The following NF1 variants were observed in gnomAD, a reference collection of about 807,000 sequenced individuals.
NF1 encodes the protein neurofibromin 1, also known as neurofibromin.
A neutral mutation model predicts 325.7 loss-of-function variants in NF1; 122 were observed. That is an observed-to-expected ratio of 0.37 (90% CI 0.32 to 0.44). The LOEUF is 0.44. NF1 is among the 20% of genes least tolerant of loss of function. The probability of loss-of-function intolerance (pLI) is 1.00; values close to 1 mark genes in which losing one functional copy is unlikely to be tolerated. For missense variants in NF1, 2,140 were observed against 3,415.4 expected (o/e 0.63, Z 9.31); for synonymous variants, 1,091 against 1,186.0 (o/e 0.92, Z 1.65).
chr17:31,344,804 G>A (rs1330456529), intron 48 of NF1, among the ~76,000 whole-genome samples: 4 of 152,218 alleles, frequency 2.6e-5, no homozygotes, highest in African/African-American at 7.2e-5. Flanking sequence ...TGGGTGCAGC[G>A]GCTCATGCCT....
intron 4 of NF1, among the ~76,000 whole-genome samples, chr17:31,169,343 A>G (rs1007292825): frequency 2.2e-4 from 33 of 152,192 alleles, no homozygotes; most frequent in African/African-American, 7.7e-4. Flanking sequence ...AGACACCTCA[A>G]TCTTAAGGAT....
intron 1 of NF1, among the ~76,000 whole-genome samples, chr17:31,138,688 G>A (rs1915976470): frequency 6.6e-6 from 1 of 151,310 alleles, no homozygotes; most frequent in Non-Finnish European, 1.5e-5. Context: ...CCGCCTCCCA[G>A]GTTCACGCAA....
At chr17:31,307,888 T>A (rs539049472) in intron 36 of NF1, 1 of 1,289,040 alleles carries the variant, frequency 7.8e-7, no homozygotes, top group Non-Finnish European at 1.0e-6. Context: ...ACAAATTACC[T>A]TTTCAGCATA....
chr17:31,098,918 C>G (rs1033806274), intron 1 of NF1, among the ~76,000 whole-genome samples: 1 of 123,816 alleles, frequency 8.1e-6, no homozygotes, highest in Non-Finnish European at 1.6e-5. Flanking sequence ...GGTGACAGAG[C>G]GAGACTCCAT....
chr17:31,182,195 G>A (rs2066150569), intron 7 of NF1, among the ~76,000 whole-genome samples: 1 of 152,166 alleles, frequency 6.6e-6, no homozygotes, highest in African/African-American at 2.4e-5. Flanking sequence ...TTCTTTTTGG[G>A]AAGCTGTTCA....
Position 31,200,442 on chromosome 17 carries a change from A to G in NF1, c.909A>G (p.Leu303=), listed in dbSNP as rs876659803. ...TGTAGAAGTTATTTCTGGACAGTCT[A>G]CGAAAAGCTCTTGCTGGCCATGGAG... ...NMNKKLFLDS[L]RKALAGHGGS... The change falls in exon 9 of 58, where the codon CTA becomes CTG. Residue 303 remains leucine, a synonymous_variant. Coordinates refer to ENST00000358273, the MANE Select transcript of NF1 (RefSeq NM_001042492.3). 5 of 1,614,112 alleles carry G rather than the reference A, an allele frequency of 3.1e-6. No homozygotes were observed. The South Asian group carries it at 5.5e-5, about 18-fold the overall frequency.
chr17:31,246,566 C>T (rs2067394498), intron 29 of NF1, among the ~76,000 whole-genome samples: 1 of 152,136 alleles, frequency 6.6e-6, no homozygotes, highest in Admixed American at 6.5e-5. Flanking sequence ...GTAAATACTT[C>T]CTTCAAGGAG....
At chr17:31,305,499 G>A in intron 36 of NF1, 2 of 1,614,196 alleles carry the variant, frequency 1.2e-6, no homozygotes. Flanking sequence ...TTGATGATGT[G>A]AATAAGGTAG....
chr17:31,192,985 C>T (rs995841091), intron 8 of NF1, among the ~76,000 whole-genome samples: 1 of 152,124 alleles, frequency 6.6e-6, no homozygotes, highest in Non-Finnish European at 1.5e-5. Context: ...GATTTAATTA[C>T]GAATCCCACT....
At chr17:31,172,369 CT>C (rs2143722006) in intron 5 of NF1, among the ~76,000 whole-genome samples, 1 of 145,920 alleles carries the variant, frequency 6.9e-6, no homozygotes, top group East Asian at 2.0e-4. Context: ...CTCTCTCTCT[CT>C]CTTTCTCTCT....
At chr17:31,338,617 TG>T in intron 45 of NF1, 86 bp from the exon 46 acceptor site, 1 of 844,066 alleles carries the variant, frequency 1.2e-6, no homozygotes, top group Non-Finnish European at 2.0e-6. Flanking sequence ...AATAAGTAAA[TG>T]TTCCTGAATT....
intron 1 of NF1, among the ~76,000 whole-genome samples, 197 bp from the exon 2 acceptor site, chr17:31,155,786 T>C (rs1215697227): frequency 6.6e-6 from 1 of 152,182 alleles, no homozygotes; most frequent in Non-Finnish European, 1.5e-5. Context: ...CATATATTGG[T>C]GTTTGAGATG....
At chr17:31,248,220 C>CAA (rs34071215) in intron 29 of NF1, among the ~76,000 whole-genome samples, 4,370 of 126,162 alleles carry the variant, frequency 0.035, 118 homozygotes, top group Non-Finnish European at 0.054. Flanking sequence ...CACCCCCCAC[C>CAA]AAAAAAAAAA....
At chr17:31,302,304 C>T (rs1433068331) in intron 36 of NF1, among the ~76,000 whole-genome samples, 3 of 152,104 alleles carry the variant, frequency 2.0e-5, no homozygotes, top group Non-Finnish European at 4.4e-5. Context: ...ATTGGTATTT[C>T]CCTATTTTTC....
intron 38 of NF1, 91 bp downstream of exon 38, chr17:31,327,930 T>A: frequency 1.6e-6 from 2 of 1,213,360 alleles, no homozygotes; most frequent in South Asian, 1.3e-5. Context: ...GCCTCTACCT[T>A]AATATTGTAA....
intron 16 of NF1, among the ~76,000 whole-genome samples, chr17:31,224,670 A>C (rs1456745908): frequency 6.6e-6 from 1 of 152,178 alleles, no homozygotes; most frequent in Non-Finnish European, 1.5e-5. Flanking sequence ...GTGTATATAC[A>C]TACCAGAGTT....
At chr17:31,276,748 G>A (rs17880799) in intron 36 of NF1, among the ~76,000 whole-genome samples, 434 of 152,096 alleles carry the variant, frequency 2.9e-3, no homozygotes, top group Non-Finnish European at 4.7e-3. Context: ...TCTTCCTTCT[G>A]GGCACAGCAC....
chr17:31,318,613 G>A, intron 36 of NF1: 1 of 1,614,040 alleles, frequency 6.2e-7, no homozygotes, highest in Admixed American at 1.7e-5. Context: ...AATTAGCATA[G>A]CCATGTTGTT....
intron 40 of NF1, 152 bp downstream of exon 40, chr17:31,335,183 C>CTCT (rs2069614345): frequency 1.6e-6 from 1 of 641,638 alleles, no homozygotes; most frequent in East Asian, 2.8e-5. Flanking sequence ...ACTCACCCAG[C>CTCT]TCTTCATCTG....
Sources: allele counts gnomAD v4.1 joint callset (sites outside exome capture counted in the v4.1 genomes callset), GRCh38; gene constraint gnomAD v4.1.1; transcripts MANE v1.5; gene names NCBI Gene and HGNC (gene_info 2026-07-23, HGNC 2026-07-21).